The following PKNOX2 variants were observed in gnomAD, a reference collection of about 807,000 sequenced individuals.
PKNOX2 encodes homeobox protein PKNOX2.
PKNOX2 carries 14 observed loss-of-function variants against 53.1 expected under a neutral mutation model. The observed-to-expected ratio is 0.26, with a 90% CI of 0.17 to 0.41. The LOEUF is 0.41. PKNOX2 is among the 10% of genes least tolerant of loss of function. The probability of loss-of-function intolerance (pLI) is 1.00; values close to 1 mark genes in which losing one functional copy is unlikely to be tolerated. For synonymous variants in PKNOX2, 257 were observed against 242.8 expected, an observed-to-expected ratio of 1.06 and a Z score of -0.54; for missense variants, 496 against 602.8, an observed-to-expected ratio of 0.82 and a Z score of 1.85.
intron 2 of PKNOX2, among the ~76,000 whole-genome samples, chr11:125,322,971 T>TA (rs543406070): frequency 1.1e-3 from 169 of 152,314 alleles, no homozygotes; most frequent in African/African-American, 3.8e-3. Context: ...ATAACCCCAG[T>TA]ACATAAAGTC....
chr11:125,333,611 G>A (rs1242140029), intron 3 of PKNOX2, among the ~76,000 whole-genome samples: 1 of 151,760 alleles, frequency 6.6e-6, no homozygotes, highest in Non-Finnish European at 1.5e-5. Context: ...CCAAGTGAGT[G>A]GCAGTATGGT....
intron 10 of PKNOX2, among the ~76,000 whole-genome samples, chr11:125,421,676 G>A (rs940082358): frequency 2.6e-5 from 4 of 152,228 alleles, no homozygotes; most frequent in Admixed American, 6.5e-5. Flanking sequence ...CTTCCTACCC[G>A]TCAGAGCAAA....
chr11:125,285,087 G>A (rs1412326244), intron 2 of PKNOX2, among the ~76,000 whole-genome samples: 2 of 152,166 alleles, frequency 1.3e-5, no homozygotes. Flanking sequence ...CCACTGGGCA[G>A]AAATGCTGTC....
chr11:125,412,266 G>A (rs1159431600), intron 10 of PKNOX2, among the ~76,000 whole-genome samples: 4 of 152,180 alleles, frequency 2.6e-5, no homozygotes, highest in African/African-American at 4.8e-5. Flanking sequence ...TCCCATGGAA[G>A]AATGTGTTGA....
intron 1 of PKNOX2, among the ~76,000 whole-genome samples, chr11:125,200,532 G>GC (rs2135399319): frequency 6.6e-6 from 1 of 152,168 alleles, no homozygotes; most frequent in East Asian, 1.9e-4. Flanking sequence ...GCACCATGCC[G>GC]CCCCCTGAGC....
chr11:125,386,282 T>A (rs1394854255), intron 6 of PKNOX2, among the ~76,000 whole-genome samples: 2 of 152,242 alleles, frequency 1.3e-5, no homozygotes, highest in Non-Finnish European at 2.9e-5. Flanking sequence ...TACAGTTTTA[T>A]AAAAATACAT....
At chr11:125,218,813 G>C (rs1186195270) in intron 1 of PKNOX2, among the ~76,000 whole-genome samples, 1 of 152,150 alleles carries the variant, frequency 6.6e-6, no homozygotes, top group East Asian at 1.9e-4. Context: ...AAAGAGTGAG[G>C]CATTTAGTTT....
intron 1 of PKNOX2, among the ~76,000 whole-genome samples, chr11:125,201,974 A>C (rs542326325): frequency 1.8e-4 from 28 of 152,296 alleles, no homozygotes; most frequent in Middle Eastern, 3.4e-3. Context: ...TGGCTGTGAC[A>C]TACAGCCCCC....
At chr11:125,187,457 CTATTT>C (rs559364142) in intron 1 of PKNOX2, among the ~76,000 whole-genome samples, 54 of 152,162 alleles carry the variant, frequency 3.5e-4, no homozygotes, top group African/African-American at 9.6e-4. Flanking sequence ...AAAAAATATA[CTATTT>C]TAAACAGAAT....
At chr11:125,392,358 A>C (rs556813564) in intron 6 of PKNOX2, among the ~76,000 whole-genome samples, 1 of 152,314 alleles carries the variant, frequency 6.6e-6, no homozygotes, top group African/African-American at 2.4e-5. Context: ...CAATGAACCC[A>C]CAGTGTTCCT....
intron 2 of PKNOX2, among the ~76,000 whole-genome samples, chr11:125,249,472 C>A (rs553270523): frequency 2.6e-5 from 4 of 152,290 alleles, no homozygotes; most frequent in South Asian, 4.1e-4. Flanking sequence ...TGCATCTTCA[C>A]TGAGCATGTG....
At chr11:125,365,849 T>C (rs1952161548) in intron 4 of PKNOX2, among the ~76,000 whole-genome samples, 2 of 152,234 alleles carry the variant, frequency 1.3e-5, no homozygotes, top group Admixed American at 1.3e-4. Context: ...GCAAGCTTAA[T>C]GGTCATGTCA....
chr11:125,207,701 T>C (rs1312021667), intron 1 of PKNOX2, among the ~76,000 whole-genome samples: 1 of 151,326 alleles, frequency 6.6e-6, no homozygotes, highest in Non-Finnish European at 1.5e-5. Context: ...GGGAGAGAGG[T>C]TTTAGTGGCA....
chr11:125,173,838 T>C (rs1177552162), intron 1 of PKNOX2, among the ~76,000 whole-genome samples: 1 of 152,170 alleles, frequency 6.6e-6, no homozygotes, highest in South Asian at 2.1e-4. Context: ...TCCAGACAGA[T>C]GTCAAGCCGA....
intron 2 of PKNOX2, among the ~76,000 whole-genome samples, chr11:125,264,584 G>A (rs184195542): frequency 2.6e-5 from 4 of 152,108 alleles, no homozygotes; most frequent in African/African-American, 7.2e-5. Flanking sequence ...GTGGGGTGGC[G>A]GGGCCGGGGG....
chr11:125,235,864 A>G (rs535303530), intron 2 of PKNOX2, among the ~76,000 whole-genome samples: 1 of 152,286 alleles, frequency 6.6e-6, no homozygotes, highest in East Asian at 1.9e-4. Context: ...CCTGGGGGGT[A>G]AAGTCTGGGA....
intron 9 of PKNOX2, chr11:125,411,509 T>TCTCTCCCCC (rs1491258659): frequency 3.2e-6 from 1 of 315,072 alleles, no homozygotes; most frequent in Non-Finnish European, 6.0e-6. Context: ...TCTCTCTCTC[T>TCTCTCCCCC]CCCCCCCTTC....
At chr11:125,254,768 C>T (rs1432712444) in intron 2 of PKNOX2, among the ~76,000 whole-genome samples, 1 of 152,122 alleles carries the variant, frequency 6.6e-6, no homozygotes, top group Non-Finnish European at 1.5e-5. Flanking sequence ...GAGCCCTGTT[C>T]CCACCTCACC....
intron 2 of PKNOX2, among the ~76,000 whole-genome samples, chr11:125,243,867 C>T (rs1943360033): frequency 1.3e-5 from 2 of 152,220 alleles, no homozygotes; most frequent in Admixed American, 6.5e-5. Flanking sequence ...CGTAATCTGC[C>T]TGCCTTGGCC....
Sources: gnomAD v4.1 joint callset for allele counts (sites outside exome capture counted in the v4.1 genomes callset) on GRCh38, gnomAD v4.1.1 for gene constraint, MANE v1.5 for transcripts, NCBI Gene and HGNC (gene_info 2026-07-23, HGNC 2026-07-21) for gene names.